Variants in ORMDL1 observed in about 807,000 individuals in gnomAD.
ORMDL1 encodes ORM1-like protein 1.
Under a neutral mutation model 13.0 loss-of-function variants are expected in ORMDL1, and 10 were observed. That is an observed-to-expected ratio of 0.77 (90% confidence interval 0.47 to 1.30). The LOEUF (loss-of-function observed/expected upper bound fraction) is 1.30. Among genes scored for constraint, ORMDL1 ranks in the 50% most tolerant of loss-of-function variants. ORMDL1 has a pLI of 0.00. For synonymous variants in ORMDL1, 61 were observed against 63.9 expected, an observed-to-expected ratio of 0.95 and a Z score of 0.22; for missense variants, 171 against 186.7, an observed-to-expected ratio of 0.92 and a Z score of 0.49.
chr2:189,770,360 A>G lies in ORMDL1; in HGVS notation c.*1407T>C, dbSNP rs1197951354. On this transcript the variant is annotated 3_prime_UTR_variant, in exon 5 of 5. Transcript: ENST00000392349. ...AACGAAAAATTTTATTAAATTATAG[A>G]TCACCAGTTATTTAAAAATACACGG... The G allele has an allele frequency of 6.6e-6, 1 of 152,226 alleles. No individual in the cohort carries two copies. The highest frequency in any genetic ancestry group is 2.4e-5 in the African/African-American group (1 of 41,466). 9.4% of individuals were successfully genotyped at this position (152,226 alleles called of 1,614,324 possible). A position where few individuals can be genotyped will look rare whatever the true frequency, so the allele number is the denominator to read the frequency against.
rs140706178 is a variant in ORMDL1 at position 189,776,900 on chromosome 2, G to GA, written c.175-1185dup. ...ATTCAATCCTCCAAGAGATGATAAG[G>GA]AAAAAAAATGCATAAACAGCTAGAA... On this transcript the variant is annotated intron_variant, in intron 3 of 4. Transcript: ENST00000392349. Among the ~76,000 whole-genome samples, 338 of 151,742 alleles carry GA rather than the reference G, an allele frequency of 2.2e-3. 3 individuals carry two copies. Among genetic ancestry groups the GA allele is most frequent in the South Asian group, 5.2e-3 (25 of 4,802 alleles).
chr2:189,778,930 C>T (rs1392786051), intron 3 of ORMDL1, among the ~76,000 whole-genome samples: 1 of 151,854 alleles, frequency 6.6e-6, no homozygotes, highest in East Asian at 1.9e-4. Context: ...TACTATGGCT[C>T]ACTCATGCTT....
chr2:189,767,939 G>C (rs1368276643), downstream of ORMDL1, among the ~76,000 whole-genome samples: 6 of 152,188 alleles, frequency 3.9e-5, no homozygotes, highest in Admixed American at 1.3e-4. Context: ...ATCCAATACA[G>C]TTGAAGCCCT....
At position 189,779,237 on chromosome 2, in the gene ORMDL1, G is replaced by A. The variant is rs1031127452; in HGVS notation, c.174+3185C>T. ...CATGCCTGTAATCCCAGCACTTTTG[G>A]AGGATGGTGCAGAAGGACTGCTTGA... is the stretch of plus-strand genomic sequence containing the variant. On this transcript the variant is annotated intron_variant, in intron 3 of 4. Coordinates refer to ENST00000392349, the MANE Select transcript of ORMDL1 (RefSeq NM_016467.5). Among the ~76,000 whole-genome samples, 7 of 152,194 alleles carry A rather than the reference G, an allele frequency of 4.6e-5. No individual in the cohort carries two copies. The South Asian group carries it at 6.2e-4, about 13-fold the overall frequency.
intron 3 of ORMDL1, among the ~76,000 whole-genome samples, chr2:189,777,461 T>C (rs751121814): frequency 6.6e-6 from 1 of 152,240 alleles, no homozygotes; most frequent in African/African-American, 2.4e-5. Context: ...AGAATAATCA[T>C]CCTCTCATTA....
At chr2:189,779,225 C>A (rs2047768027) in intron 3 of ORMDL1, among the ~76,000 whole-genome samples, 2 of 152,092 alleles carry the variant, frequency 1.3e-5, no homozygotes, top group African/African-American at 4.8e-5. Flanking sequence ...GCCTGTAATC[C>A]CAGCACTTTT....
In ORMDL1 at chr2:189,782,271, A is replaced by C. The variant is rs2047863265; in HGVS notation, c.174+151T>G. On this transcript the variant is annotated intron_variant, in intron 3 of 4. Transcript: ENST00000392349. ...TTCATATTGTTGTGCAATCATCACC[A>C]TTACCATCCACATCCAGAACTCTCT... 8 of 624,248 alleles carry C rather than the reference A, an allele frequency of 1.3e-5. No homozygotes were observed. The Admixed American group carries it at 1.5e-4, about 12-fold the overall frequency. The allele number at this position is 624,248 out of a possible 1,614,324, so 38.7% of individuals were successfully genotyped here.
At chr2:189,772,336 T>A (rs542661130) in intron 4 of ORMDL1, among the ~76,000 whole-genome samples, 8 of 152,158 alleles carry the variant, frequency 5.3e-5, no homozygotes, top group Non-Finnish European at 1.2e-4. Flanking sequence ...AAAAATGGGG[T>A]TTTAGTGCAT....
Position 189,771,534 on chromosome 2 carries a change from C to T in ORMDL1, c.*233G>A. On this transcript the variant is annotated 3_prime_UTR_variant, in exon 5 of 5. Transcript: ENST00000392349. ...GATGCCCTTTAACTTATAAGCTGGG[C>T]CTGCCCAGCCTGCTTATAAAGCCCC... The T allele has an allele frequency of 2.9e-6, 1 of 345,240 alleles. No homozygotes were observed. The highest frequency in any genetic ancestry group is 5.2e-6 in the Non-Finnish European group (1 of 193,368). 21.4% of individuals were successfully genotyped at this position (345,240 alleles called of 1,614,324 possible).
chr2:189,764,796 TTTA>T, the ORMDL1 span: 36 of 152,082 alleles, frequency 2.4e-4, no homozygotes, highest in Admixed American at 1.3e-4. Context: ...AGAGGAAAAT[TTTA>T]TTATTAATAC....
At chr2:189,776,107 T>C (rs144363826) in intron 3 of ORMDL1, among the ~76,000 whole-genome samples, 266 of 152,288 alleles carry the variant, frequency 1.7e-3, no homozygotes, top group African/African-American at 6.0e-3. Flanking sequence ...AATTTGATGA[T>C]ACTTAAAAAA....
At chr2:189,780,678 T>A (rs529580159) in intron 3 of ORMDL1, among the ~76,000 whole-genome samples, 2 of 152,182 alleles carry the variant, frequency 1.3e-5, no homozygotes, top group Admixed American at 1.3e-4. Flanking sequence ...AAAGAGAAGG[T>A]CAGAAATATA....
chr2:189,764,291 GTAT>G, the ORMDL1 span: 1 of 152,142 alleles, frequency 6.6e-6, no homozygotes, highest in Non-Finnish European at 1.5e-5. Context: ...TTCACATCAG[GTAT>G]TATTTTTCTT....
At chr2:189,783,643 T>C (rs1218228798) in intron 1 of ORMDL1, 2 of 152,248 alleles carry the variant, frequency 1.3e-5, no homozygotes, top group Non-Finnish European at 2.9e-5. Context: ...CCAATTTATA[T>C]GTGTAAATCT....
At chr2:189,769,256 G>A (rs980612698), downstream of ORMDL1, among the ~76,000 whole-genome samples, 6 of 152,068 alleles carry the variant, frequency 3.9e-5, no homozygotes, top group Non-Finnish European at 5.9e-5. Context: ...GCATGGTGGT[G>A]CACGCCCATA....
chr2:189,775,331 G>A (rs2047668600), intron 4 of ORMDL1: 1 of 393,944 alleles, frequency 2.5e-6, no homozygotes, highest in Non-Finnish European at 4.5e-6. Context: ...TATCCTAAAT[G>A]TCTAGGTGCA....
At position 189,770,344 on chromosome 2, in the gene ORMDL1, T is replaced by C. The variant is rs1337653942; in HGVS notation, c.*1423A>G. The C allele has an allele frequency of 6.6e-6, 1 of 152,124 alleles. No individual in the cohort carries two copies. The allele number at this position is 152,124 out of a possible 1,614,324, so 9.4% of individuals were successfully genotyped here. A position where few individuals can be genotyped will look rare whatever the true frequency, so the allele number is the denominator to read the frequency against. ...GAAATAATATTACACCAACGAAAAA[T>C]TTTATTAAATTATAGATCACCAGTT... On this transcript the variant is annotated 3_prime_UTR_variant, in exon 5 of 5. Transcript: ENST00000392349.
chr2:189,770,054 A>G (rs2047545314), downstream of ORMDL1, among the ~76,000 whole-genome samples: 1 of 152,188 alleles, frequency 6.6e-6, no homozygotes, highest in Non-Finnish European at 1.5e-5. Context: ...TACCTAACAT[A>G]ATTCCTGTTA....
At chr2:189,782,708 T>G (rs973886851) in intron 2 of ORMDL1, 106 bp from the exon 3 acceptor site, 1 of 1,083,362 alleles carries the variant, frequency 9.2e-7, no homozygotes, top group African/African-American at 1.6e-5. Flanking sequence ...TTTTTCCTAG[T>G]TACTTTGAAG....
Sources: allele counts gnomAD v4.1 joint callset (sites outside exome capture counted in the v4.1 genomes callset), GRCh38; gene constraint gnomAD v4.1.1; transcripts MANE v1.5; gene names NCBI Gene and HGNC (gene_info 2026-07-23, HGNC 2026-07-21).